Variants in EGFL7 observed in about 807,000 individuals in gnomAD.
The protein encoded by EGFL7 is EGF like domain multiple 7.
Under a neutral mutation model 37.1 loss-of-function variants are expected in EGFL7, and 48 were observed. The ratio of observed to expected loss-of-function variants is 1.29; its 90% CI spans 1.03 to 1.65. The LOEUF is 1.65. Among genes scored for constraint, EGFL7 ranks in the 40% most tolerant of loss-of-function variants. The probability of loss-of-function intolerance (pLI) is 0.00; values close to 1 mark genes in which losing one functional copy is unlikely to be tolerated. For missense variants in EGFL7, 384 were observed against 378.9 expected, an observed-to-expected ratio of 1.01 and a Z score of -0.11; for synonymous variants, 180 against 156.8, an observed-to-expected ratio of 1.15 and a Z score of -1.10.
In EGFL7 at chr9:136,670,756, C is replaced by T. The variant is rs1845801319; in HGVS notation, c.572-194C>T. On this transcript the variant is annotated intron_variant, in intron 8 of 10. Transcript: ENST00000308874. The stretch of plus-strand genomic sequence containing the variant: ...GCGTGGCCGGGACCCTGAGCCTCTG[C>T]GCAGAGCCACCCGCCCCGACGTACT... 25 of 730,182 alleles carry T rather than the reference C, an allele frequency of 3.4e-5. 1 individual carries two copies. The highest frequency in any genetic ancestry group is 2.5e-4 in the South Asian group (17 of 68,854). The allele number at this position is 730,182 out of a possible 1,614,324, so 45.2% of individuals were successfully genotyped here. A position where few individuals can be genotyped will look rare whatever the true frequency, so the allele number is the denominator to read the frequency against.
Position 136,672,396 on chromosome 9 carries a change from G to A in EGFL7, c.*110G>A. The A allele has an allele frequency of 7.6e-7, 1 of 1,319,864 alleles. No homozygotes were observed. The highest frequency in any genetic ancestry group is 1.1e-6 in the Non-Finnish European group (1 of 924,374). The allele number at this position is 1,319,864 out of a possible 1,614,324, so 81.8% of individuals were successfully genotyped here. On this transcript the variant is annotated 3_prime_UTR_variant, in exon 11 of 11. Transcript: ENST00000308874. ...ACCACCTCGGGGTGACTGAGCGGAA[G>A]GCCAGGCAGGGCCTTCCTCCTCTTC...
chr9:136,670,544 G>A, intron 8 of EGFL7: 3 of 801,628 alleles, frequency 3.7e-6, no homozygotes, highest in South Asian at 2.7e-5. Flanking sequence ...AGGCAGAAGT[G>A]CCCCGTCCCG....
chr9:136,671,790 T>C, intron 9 of EGFL7, 136 bp from the exon 10 acceptor site: 1 of 1,192,666 alleles, frequency 8.4e-7, no homozygotes, highest in South Asian at 1.7e-5. Flanking sequence ...CAGCCCCCTC[T>C]AGTGGACACT....
chr9:136,668,963 C>T (rs1219674799), intron 5 of EGFL7, among the ~76,000 whole-genome samples: 1 of 152,188 alleles, frequency 6.6e-6, no homozygotes, highest in Non-Finnish European at 1.5e-5. Flanking sequence ...CTGCACCCCT[C>T]CACTTCCGGG....
Position 136,669,680 on chromosome 9 carries a change from G to C in EGFL7, c.272G>C (p.Gly91Ala). The stretch of plus-strand genomic sequence containing the variant: ...AGGCCTCGCTACGCGTGCTGCCCCG[G>C]CTGGAAGAGGACCAGCGGGCTTCCT... ...PARPRYACCP[G>A]WKRTSGLPGA... Residue 91 changes from glycine (G) to alanine (A), a missense_variant, in exon 6 of 11, where the codon GGC becomes GCC. By Grantham distance (60) the Gly-to-Ala change is moderately conservative. Coordinates refer to ENST00000308874, the MANE Select transcript of EGFL7 (RefSeq NM_016215.5). 6 of 1,607,660 alleles carry C rather than the reference G, an allele frequency of 3.7e-6. No homozygotes were observed. Among genetic ancestry groups the C allele is most frequent in the Non-Finnish European group, 4.2e-6 (5 of 1,178,092 alleles).
intron 2 of EGFL7, among the ~76,000 whole-genome samples, chr9:136,664,304 C>G (rs1845327326): frequency 6.6e-6 from 1 of 152,118 alleles, no homozygotes; most frequent in African/African-American, 2.4e-5. Flanking sequence ...GGACCTGGGC[C>G]CCTCCCTTCC....
intron 8 of EGFL7, 189 bp from the exon 9 acceptor site, chr9:136,670,761 A>G: frequency 1.4e-6 from 1 of 726,330 alleles, no homozygotes; most frequent in Non-Finnish European, 2.5e-6. Flanking sequence ...CTCTGCGCAG[A>G]GCCACCCGCC....
rs762490191 is a variant in EGFL7 at position 136,668,382 on chromosome 9, G to A, written c.80+20G>A. 6.4e-7 allele frequency: 1 copy of A among 1,566,888 alleles called. No individual in the cohort carries two copies. Among genetic ancestry groups the A allele is most frequent in the Non-Finnish European group, 8.7e-7 (1 of 1,155,282 alleles). On this transcript the variant is annotated intron_variant, in intron 4 of 10. Coordinates refer to ENST00000308874, the MANE Select transcript of EGFL7 (RefSeq NM_016215.5). ...GCCCGGGTGAGCCAAGCCCTAGCCT[G>A]GGAGTGCTGGGGTGGGGGGACCGGG... is the stretch of plus-strand genomic sequence containing the variant.
rs200606620 is a variant in EGFL7, at chr9:136,669,927, G to A, written c.327G>A (p.Pro109=). The A allele has an allele frequency of 9.1e-5, 145 of 1,599,888 alleles. No individual in the cohort carries two copies. The highest frequency in any genetic ancestry group is 1.4e-4 in the East Asian group (6 of 44,090). The change falls in exon 7 of 11, where the codon CCG becomes CCA. Residue 109 remains proline, a synonymous_variant. Transcript: ENST00000308874. ...PGACGAAICQ[P]PCRNGGSCVQ... is the part of the protein sequence containing the mutation. ...CCCCGCCCACAGCAATATGCCAGCC[G>A]CCATGCCGGAACGGAGGGAGCTGTG...
intron 8 of EGFL7, chr9:136,670,703 G>A (rs376041764): frequency 1.7e-5 from 13 of 770,202 alleles, no homozygotes; most frequent in South Asian, 2.7e-5. Flanking sequence ...CGAAAACGCC[G>A]CTGAGACCTC....
Position 136,666,210 on chromosome 9 carries a change from G to A in EGFL7, c.-43+1425G>A, listed in dbSNP as rs1031551539. On this transcript the variant is annotated intron_variant, in intron 3 of 10. Coordinates refer to ENST00000308874, the MANE Select transcript of EGFL7 (RefSeq NM_016215.5). This position sits in a 1 kb window ranked among gnomAD's most constrained non-coding sequence, Gnocchi z 6.8. ...CCGGAGCCAGCAGCGCGGCTGGGAGGGGGCGGCGGGCAGGTCCGTCTCGCT... is the reference window on the plus strand; with the variant it reads ...CCGGAGCCAGCAGCGCGGCTGGGAGAGGGCGGCGGGCAGGTCCGTCTCGCT... Among the ~76,000 whole-genome samples the A allele has an allele frequency of 6.6e-6, 1 of 151,062 alleles. No homozygotes were observed. The highest frequency in any genetic ancestry group is 2.4e-5 in the African/African-American group (1 of 41,336).
rs1022812799 is a variant in EGFL7 at position 136,670,197 on chromosome 9, C to T, written c.438C>T (p.Gly146=). The change falls in exon 8 of 11, where the codon GGC becomes GGT. Residue 146 remains glycine, a synonymous_variant. Transcript: ENST00000308874. The part of the protein sequence containing the change: ...SDVDECSARR[G]GCPQRCVNTA... ...TGGATGAATGCAGTGCTAGGAGGGG[C>T]GGCTGTCCCCAGCGCTGCGTCAACA... The T allele has an allele frequency of 7.4e-6, 12 of 1,612,488 alleles. No homozygotes were observed. The highest frequency in any genetic ancestry group is 5.0e-5 in the Admixed American group (3 of 59,994).
chr9:136,672,341 G>A lies in EGFL7; in HGVS notation c.*55G>A, dbSNP rs1845976667. 3 of 1,610,900 alleles carry A rather than the reference G, an allele frequency of 1.9e-6. No homozygotes were observed. The highest frequency in any genetic ancestry group is 3.3e-5 in the Admixed American group (2 of 59,956). ...CCTCACGCCGCCCTGCAGCCCCCAT[G>A]CCCCTGCCCAACATGCTGGGGGTCC... On this transcript the variant is annotated 3_prime_UTR_variant, in exon 11 of 11. Coordinates refer to ENST00000308874, the MANE Select transcript of EGFL7 (RefSeq NM_016215.5).
At chr9:136,665,983 G>GCGGGCCGGGGCGCCCGCGGCTGGGT (rs1293116282) in intron 3 of EGFL7, among the ~76,000 whole-genome samples, 1 of 146,086 alleles carries the variant, frequency 6.8e-6, no homozygotes, top group African/African-American at 2.5e-5. Flanking sequence ...CGGGGGCGGA[G>GCGGGCCGGGGCGCCCGCGGCTGGGT]CGGGCCGGGG....
At chr9:136,669,498 G>A (rs1467494405) in intron 5 of EGFL7, 108 bp from the exon 6 acceptor site, 3 of 765,754 alleles carry the variant, frequency 3.9e-6, no homozygotes, top group Non-Finnish European at 6.5e-6. Context: ...AAGACCCTTG[G>A]GGGCATGCTG....
chr9:136,664,151 A>G (rs1845316636), intron 2 of EGFL7, among the ~76,000 whole-genome samples: 1 of 152,168 alleles, frequency 6.6e-6, no homozygotes, highest in Non-Finnish European at 1.5e-5. Flanking sequence ...AGGACTCCCC[A>G]GTCAGATGAG....
chr9:136,671,261 TGGA>T (rs1845865526), intron 9 of EGFL7, among the ~76,000 whole-genome samples: 1 of 42,666 alleles, frequency 2.3e-5, no homozygotes, highest in Non-Finnish European at 4.3e-5. Context: ...GTGGACCTGC[TGGA>T]GGAGATGAGG....
chr9:136,668,772 A>C, intron 5 of EGFL7, 99 bp downstream of exon 5: 1 of 1,108,752 alleles, frequency 9.0e-7, no homozygotes, highest in South Asian at 1.3e-5. Flanking sequence ...CCTGGGACCC[A>C]AGATGGGAAA....
intron 3 of EGFL7, among the ~76,000 whole-genome samples, chr9:136,665,980 G>A (rs887221460): frequency 1.4e-4 from 21 of 146,166 alleles, no homozygotes; most frequent in Admixed American, 1.2e-3. Flanking sequence ...GGCCGGGGGC[G>A]GAGCGGGCCG....
Sources: allele counts gnomAD v4.1 joint callset (sites outside exome capture counted in the v4.1 genomes callset), GRCh38; gene constraint gnomAD v4.1.1; non-coding constraint Gnocchi (gnomAD v3.1); transcripts MANE v1.5; gene names NCBI Gene and HGNC (gene_info 2026-07-23, HGNC 2026-07-21).